Variants in MMEL1 observed in about 807,000 individuals in gnomAD.
MMEL1 encodes the protein membrane metalloendopeptidase like 1, also known as membrane metallo-endopeptidase-like 1.
A neutral mutation model predicts 117.1 loss-of-function variants in MMEL1; 98 were observed. The ratio of observed to expected loss-of-function variants is 0.84; its 90% CI spans 0.71 to 0.99. The LOEUF (loss-of-function observed/expected upper bound fraction) is 0.99, where lower values mean the gene tolerates loss of function less well. Among genes scored for constraint, MMEL1 ranks in the 50% least tolerant of loss-of-function variants. The probability of loss-of-function intolerance (pLI) is 0.00; values close to 1 mark genes in which losing one functional copy is unlikely to be tolerated. For missense variants in MMEL1, 1,014 were observed against 1,049.1 expected, an observed-to-expected ratio of 0.97 and a Z score of 0.46; for synonymous variants, 390 against 415.1, an observed-to-expected ratio of 0.94 and a Z score of 0.74.
intron 18 of MMEL1, 182 bp downstream of exon 18, chr1:2,594,203 G>A (rs967263603): frequency 1.7e-5 from 14 of 815,586 alleles, no homozygotes; most frequent in African/African-American, 6.9e-5. Flanking sequence ...AGTCCCTCCC[G>A]AAGCCGCTCA....
chr1:2,603,567 G>A (rs1365329495), intron 11 of MMEL1, among the ~76,000 whole-genome samples: 3 of 152,132 alleles, frequency 2.0e-5, no homozygotes, highest in African/African-American at 7.2e-5. Flanking sequence ...GTGGGACCCT[G>A]TACACCCCCA....
At chr1:2,620,979 A>G (rs1012189880) in intron 2 of MMEL1, among the ~76,000 whole-genome samples, 2 of 152,168 alleles carry the variant, frequency 1.3e-5, no homozygotes, top group Non-Finnish European at 2.9e-5. Context: ...ACAGCTGACC[A>G]GCATTCACCT....
chr1:2,597,757 A>G (rs1234898117), intron 13 of MMEL1, among the ~76,000 whole-genome samples: 1 of 152,180 alleles, frequency 6.6e-6, no homozygotes, highest in Admixed American at 6.5e-5. Context: ...TCAGACAGGG[A>G]GTACAATCCA....
At position 2,611,275 on chromosome 1, in the gene MMEL1, G is replaced by T; in HGVS notation, c.292+6C>A. 6.3e-7 allele frequency: 1 copy of T among 1,576,952 alleles called. No individual in the cohort carries two copies. The highest frequency in any genetic ancestry group is 8.6e-7 in the Non-Finnish European group (1 of 1,163,278). The stretch of plus-strand genomic sequence containing the variant: ...AGGCTGTGGACGGCAAGGGGGCGGG[G>T]CTTACCTGCTATCACGCAGCCAGGG... On this transcript the variant is annotated splice_donor_region_variant and intron_variant, in intron 4 of 23. Coordinates refer to ENST00000378412, the MANE Select transcript of MMEL1 (RefSeq NM_033467.4).
chr1:2,625,994 C>A (rs1359612978), intron 2 of MMEL1, among the ~76,000 whole-genome samples: 2 of 152,166 alleles, frequency 1.3e-5, no homozygotes, highest in Non-Finnish European at 2.9e-5. Context: ...AAGGCACCAC[C>A]CACAAGTGGA....
chr1:2,632,423 G>A (rs1638634997), intron 1 of MMEL1: 1 of 152,296 alleles, frequency 6.6e-6, no homozygotes, highest in Non-Finnish European at 1.5e-5. Context: ...ACAAGTCTGA[G>A]CTCAGCTTCC....
Position 2,606,270 on chromosome 1 carries a change from T to C in MMEL1, c.728A>G (p.Asn243Ser). ...IDLFIWNDDQ[N>S]SSRHIIYIDQ... ...TACGTAGATGATGTGCCGGCTGGAG[T>C]TCTGGTCGTCGTTCCAGATGAAGAG... is the stretch of plus-strand genomic sequence containing the variant. Residue 243 changes from asparagine (N) to serine (S), a missense_variant, in exon 8 of 24, where the codon AAC (asparagine) becomes AGC (serine). Coordinates refer to ENST00000378412, the MANE Select transcript of MMEL1 (RefSeq NM_033467.4). The C allele has an allele frequency of 6.2e-7, 1 of 1,613,022 alleles. No homozygotes were observed. Among genetic ancestry groups the C allele is most frequent in the Non-Finnish European group, 8.5e-7 (1 of 1,179,834 alleles).
intron 2 of MMEL1, among the ~76,000 whole-genome samples, chr1:2,623,213 G>A (rs1045229874): frequency 4.6e-5 from 7 of 152,068 alleles, no homozygotes; most frequent in Non-Finnish European, 8.8e-5. Flanking sequence ...TGTGAACAGG[G>A]TGGGTAGTGG....
At position 2,607,100 on chromosome 1, in the gene MMEL1, G is replaced by C. The variant is rs370263284; in HGVS notation, c.536-31C>G. On this transcript the variant is annotated intron_variant, in intron 6 of 23. Transcript: ENST00000378412. The stretch of plus-strand genomic sequence containing the variant: ...AAGGGACGCAGTGGTCACTCTCCCA[G>C]CCTCCCTGTGGCTCACGTGCCACGA... The C allele has an allele frequency of 1.2e-5, 19 of 1,585,462 alleles. No homozygotes were observed. In the African/African-American group the frequency reaches 2.6e-4, roughly 21 times the overall value.
At position 2,604,404 on chromosome 1, in the gene MMEL1, T is replaced by C. The variant is rs911976721; in HGVS notation, c.817-123A>G. On this transcript the variant is annotated intron_variant, in intron 9 of 23. Transcript: ENST00000378412. Reference sequence around the variant, plus strand: ...GCCCCTAATGCGTGTCCACCCACCTTGACCAGCAGGCTCTCGGGCACACAG... The same window carrying C: ...GCCCCTAATGCGTGTCCACCCACCTCGACCAGCAGGCTCTCGGGCACACAG... The C allele has an allele frequency of 3.1e-4, 426 of 1,358,398 alleles. 2 individuals carry two copies. The highest frequency in any genetic ancestry group is 6.6e-5 in the Admixed American group (3 of 45,448). 84.1% of individuals were successfully genotyped at this position (1,358,398 alleles called of 1,614,324 possible). A position where few individuals can be genotyped will look rare whatever the true frequency, so the allele number is the denominator to read the frequency against.
In MMEL1 at chr1:2,605,607, A is replaced by G; in HGVS notation, c.767T>C (p.Leu256Ser). ...GTAGTACTCTCGGGAGGGCATGCCC[A>G]AGGTGGGCTGGTCTATCTGGAAATA... ...RHIIYIDQPT[L>S]GMPSREYYFN... Residue 256 changes from leucine (L) to serine (S), a missense_variant, in exon 9 of 24, where the codon TTG (leucine) becomes TCG (serine). By Grantham distance (145) the Leu-to-Ser change is moderately radical. Transcript: ENST00000378412. The G allele has an allele frequency of 6.2e-7, 1 of 1,612,624 alleles. No individual in the cohort carries two copies.
intron 4 of MMEL1, 143 bp from the exon 5 acceptor site, chr1:2,609,974 G>T: frequency 2.2e-6 from 2 of 895,824 alleles, no homozygotes; most frequent in East Asian, 5.3e-5. Flanking sequence ...GTGTGCCCAG[G>T]GAGAGTTAAC....
chr1:2,602,385 A>G (rs1644947109), intron 11 of MMEL1, among the ~76,000 whole-genome samples: 1 of 152,138 alleles, frequency 6.6e-6, no homozygotes, highest in Non-Finnish European at 1.5e-5. Context: ...CGCTCCCCTG[A>G]ACCTGCCGCT....
chr1:2,592,196 C>T (rs1216571762), intron 21 of MMEL1, among the ~76,000 whole-genome samples, 169 bp from the exon 22 acceptor site: 1 of 142,318 alleles, frequency 7.0e-6, no homozygotes, highest in Non-Finnish European at 1.5e-5. Context: ...ACCTCAGTCA[C>T]TCAGGGACCC....
intron 2 of MMEL1, among the ~76,000 whole-genome samples, chr1:2,628,141 G>T (rs1029945926): frequency 6.6e-6 from 1 of 152,214 alleles, no homozygotes. Context: ...TGGGCTCTGG[G>T]TTCCTCAGTG....
chr1:2,629,546 G>A (rs1315380041), intron 1 of MMEL1, 25 bp from the exon 2 acceptor site: 4 of 1,395,576 alleles, frequency 2.9e-6, no homozygotes, highest in Non-Finnish European at 3.7e-6. Context: ...CAGGGGAGAG[G>A]GGAGAGGGGC....
intron 2 of MMEL1, among the ~76,000 whole-genome samples, chr1:2,616,768 A>G (rs1645207629): frequency 6.6e-6 from 1 of 152,218 alleles, no homozygotes; most frequent in African/African-American, 2.4e-5. Context: ...ATCTAGTCAG[A>G]TGTATCCAGA....
chr1:2,622,104 AGG>A (rs1645298374), intron 2 of MMEL1, among the ~76,000 whole-genome samples: 1 of 49,792 alleles, frequency 2.0e-5, no homozygotes, highest in South Asian at 8.3e-4. Context: ...CTCCAGAACT[AGG>A]AGGAGAAAAT....
At chr1:2,594,998 G>A (rs756724513) in intron 16 of MMEL1, 105 bp from the exon 17 acceptor site, 31 of 934,086 alleles carry the variant, frequency 3.3e-5, no homozygotes, top group African/African-American at 1.5e-4. Flanking sequence ...CTTGCCAGGC[G>A]TCCGCACGTG....
Sources: allele counts gnomAD v4.1 joint callset (sites outside exome capture counted in the v4.1 genomes callset), GRCh38; gene constraint gnomAD v4.1.1; transcripts MANE v1.5; gene names NCBI Gene and HGNC (gene_info 2026-07-23, HGNC 2026-07-21).